The following REPS2 variants were observed in gnomAD, a reference collection of about 807,000 sequenced individuals.
REPS2 encodes the protein RALBP1 associated Eps domain containing 2.
REPS2 carries 23 observed loss-of-function variants against 53.6 expected under a neutral mutation model. The observed-to-expected ratio is 0.43, with a 90% confidence interval of 0.31 to 0.61. The LOEUF (loss-of-function observed/expected upper bound fraction) is 0.61, where lower values mean the gene tolerates loss of function less well. Ranked by LOEUF, REPS2 falls within the 20% of genes least tolerant of loss-of-function variation. REPS2 has a pLI of 0.11. For synonymous variants in REPS2, 238 were observed against 218.6 expected (o/e 1.09, Z -0.78); for missense variants, 446 against 534.9 (o/e 0.83, Z 1.64).
At chrX:17,039,975 G>A (rs2061811337) in intron 5 of REPS2, among the ~76,000 whole-genome samples, 1 of 112,773 alleles carries the variant, frequency 8.9e-6, no homozygotes, top group African/African-American at 3.2e-5. Flanking sequence ...CAGCAACTGT[G>A]TGTTGCACAT....
intron 4 of REPS2, among the ~76,000 whole-genome samples, chrX:17,029,208 A>C (rs1265213833): frequency 8.9e-6 from 1 of 111,855 alleles, no homozygotes; most frequent in Non-Finnish European, 1.9e-5. Context: ...TTAGAATTTG[A>C]ACACTTATGA....
At position 17,056,606 on chromosome X, in the gene REPS2, A is replaced by G. The variant is rs750834697; in HGVS notation, c.1114+1656A>G. Among the ~76,000 whole-genome samples the G allele has an allele frequency of 5.9e-3, 657 of 110,526 alleles. 2 individuals carry two copies. The highest frequency in any genetic ancestry group is 9.8e-3 in the Non-Finnish European group (518 of 52,804). ...GCTACTTTGGAGGCTGAGGCAGGAGAATGGCATGAACCCGGGAGGCGGAGC... is the reference window on the plus strand; with the variant it reads ...GCTACTTTGGAGGCTGAGGCAGGAGGATGGCATGAACCCGGGAGGCGGAGC... On this transcript the variant is annotated intron_variant, in intron 8 of 17. Coordinates refer to ENST00000357277, the MANE Select transcript of REPS2 (RefSeq NM_004726.3).
chrX:17,120,335 T>G (rs1029536910), intron 14 of REPS2, among the ~76,000 whole-genome samples: 4 of 111,953 alleles, frequency 3.6e-5, no homozygotes, highest in African/African-American at 1.3e-4. Context: ...TTTAAGAGCA[T>G]GGGCTTGGGG....
intron 14 of REPS2, among the ~76,000 whole-genome samples, chrX:17,121,868 A>C: frequency 9.0e-6 from 1 of 111,071 alleles, no homozygotes; most frequent in East Asian, 2.9e-4. Context: ...TTCCTGCCTC[A>C]GCCTTCCGAG....
At chrX:17,053,755 C>A (rs1476038028) in intron 7 of REPS2, among the ~76,000 whole-genome samples, 1 of 111,810 alleles carries the variant, frequency 8.9e-6, no homozygotes, top group Non-Finnish European at 1.9e-5. Flanking sequence ...GACCTCCTAT[C>A]TTTTTGTTGA....
chrX:17,138,401 A>G (rs1416399460), intron 16 of REPS2: 1 of 114,788 alleles, frequency 8.7e-6, no homozygotes, highest in East Asian at 2.7e-4. Flanking sequence ...AGGTAGAGGT[A>G]GGTAGTCTGG....
chrX:17,099,892 C>T, intron 13 of REPS2: 1 of 863,854 alleles, frequency 1.2e-6, no homozygotes, highest in Non-Finnish European at 1.7e-6. Flanking sequence ...ACGAGGTCAG[C>T]CTCATCAGAA....
the REPS2 span, among the ~76,000 whole-genome samples, chrX:17,169,464 G>A: frequency 9.0e-6 from 1 of 111,306 alleles, no homozygotes; most frequent in Non-Finnish European, 1.9e-5. Flanking sequence ...AGGATCACTT[G>A]AGCCCAGGAG....
chrX:17,114,082 A>G (rs995523837), intron 14 of REPS2, among the ~76,000 whole-genome samples: 2 of 111,837 alleles, frequency 1.8e-5, no homozygotes, highest in African/African-American at 6.5e-5. Flanking sequence ...ATTGTACCAC[A>G]TAAGTATATG....
At chrX:17,048,959 G>A (rs1472340163) in intron 6 of REPS2, among the ~76,000 whole-genome samples, 2 of 111,642 alleles carry the variant, frequency 1.8e-5, no homozygotes, top group African/African-American at 3.3e-5. Flanking sequence ...GCAATGGCAC[G>A]ATCTTGGCTC....
chrX:16,949,858 C>T (rs2060486783), intron 1 of REPS2, among the ~76,000 whole-genome samples: 1 of 111,238 alleles, frequency 9.0e-6, no homozygotes, highest in Admixed American at 9.6e-5. Flanking sequence ...AGAGTTTTTA[C>T]AATTGATGAA....
At chrX:17,060,437 C>T (rs2062144432) in intron 8 of REPS2, among the ~76,000 whole-genome samples, 1 of 111,666 alleles carries the variant, frequency 9.0e-6, no homozygotes, top group Admixed American at 9.5e-5. Context: ...GTGAGAGGTA[C>T]CACATTGTTC....
chrX:17,067,532 A>G (rs2062241194), intron 9 of REPS2, among the ~76,000 whole-genome samples: 1 of 112,339 alleles, frequency 8.9e-6, no homozygotes, highest in African/African-American at 3.2e-5. Flanking sequence ...GTAAATTTAC[A>G]GTAAGTAGAT....
intron 1 of REPS2, among the ~76,000 whole-genome samples, chrX:16,992,565 A>G (rs1405537565): frequency 9.0e-6 from 1 of 111,606 alleles, no homozygotes; most frequent in East Asian, 2.8e-4. Context: ...AAGCCCTTCC[A>G]CCTTCCTTAT....
intron 9 of REPS2, among the ~76,000 whole-genome samples, chrX:17,066,689 C>T (rs1432689642): frequency 4.5e-5 from 5 of 112,018 alleles, no homozygotes; most frequent in South Asian, 3.7e-4. Context: ...CTGGCTAACA[C>T]GGTGAAACCC....
chrX:17,133,830 C>T lies in REPS2; in HGVS notation c.1585C>T (p.Gln529Ter). 8.3e-7 allele frequency: 1 copy of T among 1,209,228 alleles called. No individual in the cohort carries two copies. The highest frequency in any genetic ancestry group is 1.1e-6 in the Non-Finnish European group (1 of 893,323). The change falls in exon 15 of 18, where the codon CAA becomes TAA. Residue 529 changes from glutamine to a stop codon, truncating the protein, a stop_gained. Transcript: ENST00000357277. LOFTEE classifies it high-confidence loss of function. ...CTCTGATCTCTTGCTACAGTCTGAA[C>T]AAGTGTCGGAGGCCGAGTTACTCCC... ...PPRPCPSQSEQVSEAELLPQL... is the reference protein window; with the variant it reads ...PPRPCPSQSE
At chrX:16,958,368 C>G (rs184002932) in intron 1 of REPS2, among the ~76,000 whole-genome samples, 1 of 111,666 alleles carries the variant, frequency 9.0e-6, no homozygotes, top group East Asian at 2.8e-4. Flanking sequence ...TCAAGGATAA[C>G]TGATCAAACT....
chrX:16,977,479 C>A (rs1320453948), intron 1 of REPS2, among the ~76,000 whole-genome samples: 1 of 110,304 alleles, frequency 9.1e-6, no homozygotes, highest in East Asian at 2.8e-4. Flanking sequence ...CTTTGGGAGG[C>A]CAAGGCAGGA....
At chrX:17,189,277 CTTTTCTTT>C in the REPS2 span, among the ~76,000 whole-genome samples, 2 of 108,752 alleles carry the variant, frequency 1.8e-5, no homozygotes. Context: ...ACTTTCTTTT[CTTTTCTTT>C]TTTTCTTTTT....
Sources: allele counts gnomAD v4.1 joint callset (sites outside exome capture counted in the v4.1 genomes callset), GRCh38; gene constraint gnomAD v4.1.1; transcripts MANE v1.5; gene names NCBI Gene and HGNC (gene_info 2026-07-23, HGNC 2026-07-21).